TCERG1L: variants seen among roughly 807,000 people sequenced by gnomAD.
TCERG1L encodes the protein transcription elongation regulator 1-like protein.
Under a neutral mutation model 56.3 loss-of-function variants are expected in TCERG1L, and 37 were observed. The observed-to-expected ratio is 0.66, with a 90% confidence interval of 0.51 to 0.87. The LOEUF is 0.87. Ranked by LOEUF, TCERG1L falls within the 40% of genes least tolerant of loss-of-function variation. TCERG1L has a pLI of 0.00. For synonymous variants in TCERG1L, 324 were observed against 326.3 expected (o/e 0.99, Z 0.08); for missense variants, 799 against 774.2 (o/e 1.03, Z -0.38).
Position 131,220,197 on chromosome 10 carries a change from C to G in TCERG1L, c.856+40062G>C, listed in dbSNP as rs74801035. 2.0e-3 allele frequency among the ~76,000 whole-genome samples: 304 copies of G among 152,260 alleles called. 1 individual carries two copies. Among genetic ancestry groups the G allele is most frequent in the African/African-American group, 7.1e-3 (296 of 41,528 alleles). ...CGAAGGGGACAGCCCCCCAACATCC[C>G]CTGGCTCTCGGGCCTATTGCCCCCA... On this transcript the variant is annotated intron_variant, in intron 4 of 11. Coordinates refer to ENST00000368642, the MANE Select transcript of TCERG1L (RefSeq NM_174937.4).
intron 5 of TCERG1L, among the ~76,000 whole-genome samples, chr10:131,166,194 C>T (rs1846029242): frequency 6.6e-6 from 1 of 152,178 alleles, no homozygotes; most frequent in South Asian, 2.1e-4. Flanking sequence ...CAGAGAAATA[C>T]CTTGGAAAGG....
intron 3 of TCERG1L, among the ~76,000 whole-genome samples, chr10:131,299,746 T>C (rs1012853309): frequency 1.3e-5 from 2 of 152,138 alleles, no homozygotes; most frequent in Non-Finnish European, 2.9e-5. Context: ...AGTATGTCTT[T>C]AACTTGGCAC....
intron 3 of TCERG1L, among the ~76,000 whole-genome samples, chr10:131,291,696 GATTA>G (rs1477782877): frequency 7.9e-5 from 12 of 151,324 alleles, no homozygotes; most frequent in Non-Finnish European, 1.3e-4. Context: ...AAAGTGCTAG[GATTA>G]CAGGCGTGAG....
intron 4 of TCERG1L, among the ~76,000 whole-genome samples, chr10:131,203,314 C>CAAAAAAAAAAAAAAAAAAA (rs58016777): frequency 1.7e-5 from 2 of 117,658 alleles, no homozygotes; most frequent in African/African-American, 3.2e-5. Flanking sequence ...GACTCCGTCT[C>CAAAAAAAAAAAAAAAAAAA]AAAAAAAAAA....
intron 4 of TCERG1L, among the ~76,000 whole-genome samples, 178 bp from the exon 5 acceptor site, chr10:131,167,063 T>C (rs1846039173): frequency 6.6e-6 from 1 of 152,186 alleles, no homozygotes; most frequent in Non-Finnish European, 1.5e-5. Flanking sequence ...AAAGTTCTCA[T>C]CCCAAAGCGA....
rs1845483675 is a variant in TCERG1L, at chr10:131,118,634, C to T, written c.1260-1700G>A. ...CTGCTGAGGTTGGTTCAGCCAAAAC[C>T]CCCCGATCCCTGAGGTCTGCTCTTG... On this transcript the variant is annotated intron_variant, in intron 8 of 11. Coordinates refer to ENST00000368642, the MANE Select transcript of TCERG1L (RefSeq NM_174937.4). The surrounding 1 kb of genome is among the most constrained non-coding windows in gnomAD (Gnocchi z 4.2). Among the ~76,000 whole-genome samples, 1 of 152,132 alleles carries T rather than the reference C, an allele frequency of 6.6e-6. No individual in the cohort carries two copies. The highest frequency in any genetic ancestry group is 6.6e-5 in the Admixed American group (1 of 15,264).
intron 4 of TCERG1L, among the ~76,000 whole-genome samples, chr10:131,175,431 G>A (rs1846138059): frequency 6.6e-6 from 1 of 151,820 alleles, no homozygotes. Flanking sequence ...CTATTCCCAA[G>A]TCACCTGGGC....
chr10:131,285,512 G>A lies in TCERG1L; in HGVS notation c.670+22699C>T, dbSNP rs1190565445. Among the ~76,000 whole-genome samples, 2 of 16,544 alleles carry A rather than the reference G, an allele frequency of 1.2e-4. 1 individual carries two copies. Among genetic ancestry groups the A allele is most frequent in the East Asian group, 9.6e-3 (2 of 208 alleles). The allele number at this position is 16,544 out of a possible 152,430, so 10.9% of individuals were successfully genotyped here. On this transcript the variant is annotated intron_variant, in intron 3 of 11. Transcript: ENST00000368642. ...AGAAAGAAAGAAAGAAAGAAAGAAA[G>A]AAAGAAAGAAAGAGAGAAAGAAAAG...
intron 8 of TCERG1L, among the ~76,000 whole-genome samples, chr10:131,120,885 A>C (rs1178752353): frequency 1.3e-5 from 2 of 152,120 alleles, no homozygotes; most frequent in African/African-American, 4.8e-5. Flanking sequence ...GTGTCCACCC[A>C]TACTGGGCAC....
intron 3 of TCERG1L, among the ~76,000 whole-genome samples, chr10:131,266,585 G>A (rs980010115): frequency 1.3e-5 from 2 of 152,224 alleles, no homozygotes; most frequent in East Asian, 1.9e-4. Context: ...GGGTGAGCAA[G>A]ACAAAGAGGA....
intron 4 of TCERG1L, among the ~76,000 whole-genome samples, chr10:131,217,747 A>G: frequency 9.1e-6 from 1 of 110,018 alleles, no homozygotes. Context: ...TTTGAGACGG[A>G]GTCTCACTCT....
intron 4 of TCERG1L, among the ~76,000 whole-genome samples, chr10:131,207,689 C>A (rs558804909): frequency 6.6e-6 from 1 of 152,154 alleles, no homozygotes; most frequent in Non-Finnish European, 1.5e-5. Flanking sequence ...GAGGACAGCG[C>A]GGGCCTCTGC....
chr10:131,304,170 A>G (rs993860280), intron 3 of TCERG1L, among the ~76,000 whole-genome samples: 2 of 152,024 alleles, frequency 1.3e-5, no homozygotes, highest in Non-Finnish European at 2.9e-5. Flanking sequence ...CGGGACATGG[A>G]CAACTTTTAC....
intron 7 of TCERG1L, among the ~76,000 whole-genome samples, chr10:131,135,286 G>C (rs1250880854): frequency 6.6e-6 from 1 of 152,274 alleles, no homozygotes; most frequent in African/African-American, 2.4e-5. Flanking sequence ...GGGCTGGGCA[G>C]AGCTTCCCTC....
In TCERG1L at chr10:131,115,230, G is replaced by C. The variant is rs192478047; in HGVS notation, c.1395+1569C>G. ...CATCCACCAGGATAAAGAAGAGTCC[G>C]TGAAGGCACACGGTGATCACCCGGC... On this transcript the variant is annotated intron_variant, in intron 9 of 11. Transcript: ENST00000368642. Among the ~76,000 whole-genome samples the C allele has an allele frequency of 2.6e-5, 4 of 152,360 alleles. No individual in the cohort carries two copies. The East Asian group carries it at 7.7e-4, about 29-fold the overall frequency.
intron 4 of TCERG1L, among the ~76,000 whole-genome samples, chr10:131,189,195 A>G (rs1322594194): frequency 1.3e-5 from 2 of 152,286 alleles, no homozygotes; most frequent in East Asian, 1.9e-4. Context: ...TTTTATTTTT[A>G]TAAATTTATA....
At chr10:131,198,556 G>C (rs1845392349) in intron 4 of TCERG1L, among the ~76,000 whole-genome samples, 1 of 152,252 alleles carries the variant, frequency 6.6e-6, no homozygotes, top group Non-Finnish European at 1.5e-5. Context: ...GCCAGGGCAA[G>C]GCTCCTCCAG....
At chr10:131,110,165 AGTGACAAGGAC>A (rs1845396582) in intron 9 of TCERG1L, among the ~76,000 whole-genome samples, 1 of 152,176 alleles carries the variant, frequency 6.6e-6, no homozygotes, top group Admixed American at 6.5e-5. Context: ...ACATCCTCTC[AGTGACAAGGAC>A]GTGGTCTGGA....
intron 10 of TCERG1L, among the ~76,000 whole-genome samples, chr10:131,101,312 G>A (rs2133380319): frequency 6.6e-6 from 1 of 152,350 alleles, no homozygotes; most frequent in East Asian, 1.9e-4. Context: ...GGGCCCCTGT[G>A]TTCCCAGCTG....
Sources: gnomAD v4.1 joint callset for allele counts (sites outside exome capture counted in the v4.1 genomes callset) on GRCh38, gnomAD v4.1.1 for gene constraint, Gnocchi (gnomAD v3.1) non-coding constraint, MANE v1.5 for transcripts, NCBI Gene and HGNC (gene_info 2026-07-23, HGNC 2026-07-21) for gene names.